The following DNAI1 variants were observed in gnomAD, a reference collection of about 807,000 sequenced individuals.
The protein encoded by DNAI1 is dynein, axonemal, intermediate polypeptide 1.
DNAI1 carries 67 observed loss-of-function variants against 92.0 expected under a neutral mutation model. The observed-to-expected ratio is 0.73, with a 90% CI of 0.60 to 0.89. DNAI1 has a LOEUF of 0.89. Among genes scored for constraint, DNAI1 ranks in the 40% least tolerant of loss-of-function variants. The pLI is 0.00. For synonymous variants in DNAI1, 323 were observed against 319.6 expected, an observed-to-expected ratio of 1.01 and a Z score of -0.11; for missense variants, 839 against 866.6, an observed-to-expected ratio of 0.97 and a Z score of 0.40.
At chr9:34,469,103 C>A (rs926287916) in intron 1 of DNAI1, among the ~76,000 whole-genome samples, 3 of 152,092 alleles carry the variant, frequency 2.0e-5, no homozygotes, top group African/African-American at 7.2e-5. Flanking sequence ...AAAACCACAT[C>A]TAGGTCTTTT....
At position 34,491,512 on chromosome 9, in the gene DNAI1, G is replaced by A. The variant is rs78865254; in HGVS notation, c.639G>A (p.Thr213=). 1,012 of 1,614,132 alleles carry A rather than the reference G, an allele frequency of 6.3e-4. 7 individuals are homozygous for A. The African/African-American group carries it at 0.012, about 19-fold the overall frequency. The change falls in exon 8 of 20, where the codon ACG becomes ACA. Residue 213 remains threonine (T), a synonymous_variant. Transcript: ENST00000242317. ...TTCTTTAGGATCGAGAATGCCAGAC[G>A]GAGCCTCCTCCCAGGACAAACTTTT... ...NNPVRDRECQ[T]EPPPRTNFSA... is the part of the protein sequence containing the mutation.
chr9:34,473,051 C>T (rs1034908378), intron 1 of DNAI1, among the ~76,000 whole-genome samples: 3 of 152,048 alleles, frequency 2.0e-5, no homozygotes, highest in African/African-American at 7.2e-5. Context: ...TACACATATA[C>T]ACATATTCTT....
At chr9:34,483,425 T>C in intron 1 of DNAI1, 23 bp from the exon 2 acceptor site, 1 of 1,609,148 alleles carries the variant, frequency 6.2e-7, no homozygotes, top group Non-Finnish European at 8.5e-7. Flanking sequence ...TGACTTACCT[T>C]CTGTTTTCTG....
intron 1 of DNAI1, among the ~76,000 whole-genome samples, chr9:34,459,420 ATTTTTC>A (rs1180468107): frequency 2.7e-5 from 4 of 150,094 alleles, no homozygotes; most frequent in African/African-American, 4.9e-5. Flanking sequence ...TCCCAAAGGA[ATTTTTC>A]TTTTTCTTTT....
chr9:34,491,518 T>C lies in DNAI1; in HGVS notation c.645T>C (p.Pro215=), dbSNP rs765396586. ...PVRDRECQTE[P]PPRTNFSATA... is the part of the protein sequence containing the mutation. ...AGGATCGAGAATGCCAGACGGAGCC[T>C]CCTCCCAGGACAAACTTTTCAGCCA... is the stretch of plus-strand genomic sequence containing the variant. The change falls in exon 8 of 20, where the codon CCT becomes CCC. Residue 215 remains proline (P), a synonymous_variant. Transcript: ENST00000242317. 1 of 1,614,174 alleles carries C rather than the reference T, an allele frequency of 6.2e-7. No homozygotes were observed. Among genetic ancestry groups the C allele is most frequent in the Admixed American group, 1.7e-5 (1 of 60,028 alleles).
chr9:34,501,157 C>T lies in DNAI1; in HGVS notation c.1039C>T (p.Leu347=). 5 of 1,613,756 alleles carry T rather than the reference C, an allele frequency of 3.1e-6. No individual in the cohort carries two copies. Among genetic ancestry groups the T allele is most frequent in the Non-Finnish European group, 4.2e-6 (5 of 1,179,646 alleles). Residue 347 remains leucine, a synonymous_variant, in exon 12 of 20, where the codon CTG becomes TTG. Coordinates refer to ENST00000242317, the MANE Select transcript of DNAI1 (RefSeq NM_012144.4). ...TTGCAGGAATCCAAAGTACAGGGAT[C>T]TGTTTGCAGTGGGATATGGCTCTTG... is the stretch of plus-strand genomic sequence containing the variant. ...ALCWNPKYRD[L]FAVGYGSYDF...
At chr9:34,517,658 A>G (rs1398290095) in intron 19 of DNAI1, among the ~76,000 whole-genome samples, 191 bp downstream of exon 19, 1 of 152,212 alleles carries the variant, frequency 6.6e-6, no homozygotes, top group Non-Finnish European at 1.5e-5. Flanking sequence ...GACATGCTGC[A>G]TTTGAGTTAC....
At chr9:34,493,609 C>T (rs771360888) in intron 9 of DNAI1, among the ~76,000 whole-genome samples, 4 of 151,706 alleles carry the variant, frequency 2.6e-5, no homozygotes, top group Non-Finnish European at 5.9e-5. Flanking sequence ...ATTGAAAGCA[C>T]TATATGCCTT....
intron 5 of DNAI1, 28 bp downstream of exon 5, chr9:34,489,477 C>T (rs1330965870): frequency 6.2e-7 from 1 of 1,611,986 alleles, no homozygotes; most frequent in Non-Finnish European, 8.5e-7. Flanking sequence ...CCTGAAGCTA[C>T]AGCCCTGAGC....
intron 1 of DNAI1, among the ~76,000 whole-genome samples, chr9:34,480,287 T>C (rs1824327407): frequency 1.6e-5 from 2 of 125,972 alleles, no homozygotes; most frequent in African/African-American, 3.0e-5. Flanking sequence ...TTTTTTTTTT[T>C]TTTTTTTTTG....
chr9:34,492,685 T>C (rs1824633917), intron 8 of DNAI1, among the ~76,000 whole-genome samples: 1 of 151,076 alleles, frequency 6.6e-6, no homozygotes, highest in South Asian at 2.1e-4. Context: ...ACACCTGGCG[T>C]ATTTTTGTAT....
At chr9:34,476,931 A>G (rs1423133109) in intron 1 of DNAI1, among the ~76,000 whole-genome samples, 1 of 152,134 alleles carries the variant, frequency 6.6e-6, no homozygotes, top group Non-Finnish European at 1.5e-5. Context: ...GTAGGAGGGG[A>G]AAAGTAGGAG....
At chr9:34,492,481 TG>T (rs1824621400) in intron 8 of DNAI1, among the ~76,000 whole-genome samples, 1 of 99,030 alleles carries the variant, frequency 1.0e-5, no homozygotes, top group African/African-American at 3.6e-5. Context: ...GGGGTGGGGG[TG>T]GGGATATGAA....
intron 13 of DNAI1, among the ~76,000 whole-genome samples, chr9:34,508,089 T>A (rs1485688285): frequency 1.3e-5 from 2 of 152,222 alleles, no homozygotes; most frequent in African/African-American, 2.4e-5. Context: ...GACCTAAGGA[T>A]GAATTTCTGC....
Position 34,520,911 on chromosome 9 carries a change from C to G in DNAI1, c.*155C>G. The G allele has an allele frequency of 1.3e-6, 1 of 770,554 alleles. No individual in the cohort carries two copies. Among genetic ancestry groups the G allele is most frequent in the Non-Finnish European group, 2.2e-6 (1 of 449,244 alleles). The allele number at this position is 770,554 out of a possible 1,614,324, so 47.7% of individuals were successfully genotyped here. On this transcript the variant is annotated 3_prime_UTR_variant, in exon 20 of 20. Coordinates refer to ENST00000242317, the MANE Select transcript of DNAI1 (RefSeq NM_012144.4). The stretch of plus-strand genomic sequence containing the variant: ...TGTTCTGTTCCTTAAGGTCCCAGCA[C>G]CTTACCCCAGGACTTGGTCTTCAAC...
intron 1 of DNAI1, among the ~76,000 whole-genome samples, chr9:34,466,456 G>A (rs907345699): frequency 5.3e-5 from 8 of 152,266 alleles, no homozygotes; most frequent in Non-Finnish European, 8.8e-5. Flanking sequence ...GTGCCTCTGT[G>A]TCTTTGTTAA....
intron 9 of DNAI1, 67 bp from the exon 10 acceptor site, chr9:34,497,048 T>G (rs1824739453): frequency 8.3e-7 from 1 of 1,206,062 alleles, no homozygotes; most frequent in Admixed American, 1.7e-5. Context: ...AAGGGTGACA[T>G]GGCTCAGGAC....
intron 13 of DNAI1, among the ~76,000 whole-genome samples, chr9:34,511,610 A>G (rs1210897312): frequency 2.0e-5 from 3 of 152,218 alleles, no homozygotes; most frequent in Non-Finnish European, 4.4e-5. Context: ...TGTATCGAAT[A>G]CTTCATATGT....
chr9:34,491,393 C>T, intron 7 of DNAI1, 102 bp from the exon 8 acceptor site: 2 of 1,271,624 alleles, frequency 1.6e-6, no homozygotes, highest in Non-Finnish European at 2.3e-6. Flanking sequence ...TCCCAAACCT[C>T]CATCAGCCCC....
Sources: allele counts gnomAD v4.1 joint callset (sites outside exome capture counted in the v4.1 genomes callset), GRCh38; gene constraint gnomAD v4.1.1; transcripts MANE v1.5; gene names NCBI Gene and HGNC (gene_info 2026-07-23, HGNC 2026-07-21).